DNAH1: variants seen among roughly 807,000 people sequenced by gnomAD.
DNAH1 encodes axonemal beta dynein heavy chain 1.
DNAH1 carries 327 observed loss-of-function variants against 484.3 expected under a neutral mutation model. The observed-to-expected ratio is 0.68, with a 90% CI of 0.62 to 0.74. DNAH1 has a LOEUF of 0.74. Among genes scored for constraint, DNAH1 ranks in the 30% least tolerant of loss-of-function variants. The probability of loss-of-function intolerance (pLI) is 0.00; values close to 1 mark genes in which losing one functional copy is unlikely to be tolerated. For synonymous variants in DNAH1, 2,192 were observed against 2,191.9 expected, an observed-to-expected ratio of 1.00 and a Z score of 0.00; for missense variants, 5,052 against 5,546.8, an observed-to-expected ratio of 0.91 and a Z score of 2.83.
At chr3:52,386,991 C>CTCCACACCA in intron 56 of DNAH1, 138 bp downstream of exon 56, 1 of 930,218 alleles carries the variant, frequency 1.1e-6, no homozygotes, top group Admixed American at 3.0e-5. Context: ...CTCTGTCCAC[C>CTCCACACCA]TCCACACCAC....
Position 52,361,270 on chromosome 3 carries a change from T to G in DNAH1, c.4792T>G (p.Leu1598Val), listed in dbSNP as rs1414376016. The G allele has an allele frequency of 6.2e-7, 1 of 1,612,472 alleles. No individual in the cohort carries two copies. Among genetic ancestry groups the G allele is most frequent in the East Asian group, 2.2e-5 (1 of 44,854 alleles). Reference sequence around the variant, plus strand: ...GACCACCAAAGACCTGGGTAAGGCCTTGGCCATACAGACCGTTGTGTTCAA... The same window carrying G: ...GACCACCAAAGACCTGGGTAAGGCCGTGGCCATACAGACCGTTGTGTTCAA... ...TETTKDLGKALAIQTVVFNCS... is the reference protein window; with the variant it reads ...TETTKDLGKAVAIQTVVFNCS... Residue 1598 changes from leucine to valine, a missense_variant, in exon 29 of 78, where the codon TTG (leucine) becomes GTG (valine). By Grantham distance (32) the Leu-to-Val change is conservative (BLOSUM62 1). Around this residue, in one of 4 missense-constraint regions of DNAH1, gnomAD observed 2,929 missense variants for 3,409.4 expected, o/e 0.86. Transcript: ENST00000420323. The surrounding 1 kb of genome is among the most constrained non-coding windows in gnomAD (Gnocchi z 5.6).
Position 52,379,853 on chromosome 3 carries a change from T to G in DNAH1, c.7378-52T>G, listed in dbSNP as rs1703763343. 6 of 1,493,538 alleles carry G rather than the reference T, an allele frequency of 4.0e-6. No individual in the cohort carries two copies. In the Admixed American group the frequency reaches 6.1e-5, roughly 15 times the overall value. The allele number at this position is 1,493,538 out of a possible 1,614,324, so 92.5% of individuals were successfully genotyped here. On this transcript the variant is annotated intron_variant, in intron 47 of 77. Transcript: ENST00000420323. This position sits in a 1 kb window ranked among gnomAD's most constrained non-coding sequence, Gnocchi z 4.4. ...CTCCCTTGCCTGGTGGTTTGAGAGA[T>G]AGCTGAGGGCTTGGGGGCCAAGGAC...
Position 52,385,304 on chromosome 3 carries a change from C to T in DNAH1, c.8515-33C>T, listed in dbSNP as rs202165486. 132 of 1,543,916 alleles carry T rather than the reference C, an allele frequency of 8.5e-5. No individual in the cohort carries two copies. The African/African-American group carries it at 1.2e-3, about 14-fold the overall frequency. The stretch of plus-strand genomic sequence containing the variant: ...CCCTGTGCTCTCTCTGTCCCTGCCA[C>T]ACCTGTTTTCCTGTCTCTGCCCTGA... On this transcript the variant is annotated intron_variant, in intron 53 of 77. Coordinates refer to ENST00000420323, the MANE Select transcript of DNAH1 (RefSeq NM_015512.5).
chr3:52,349,448 G>T, intron 14 of DNAH1, 28 bp downstream of exon 14: 1 of 1,596,414 alleles, frequency 6.3e-7, no homozygotes, highest in South Asian at 1.1e-5. Context: ...CCGCCTCAGT[G>T]ACCACAGCAG....
At position 52,355,154 on chromosome 3, in the gene DNAH1, G is replaced by A. The variant is rs968224221; in HGVS notation, c.3693+99G>A. ...GTCTCCGGGTGGGGTTCAAAGCATC[G>A]CAGTGCCTTGCCCTCATTCACACAG... On this transcript the variant is annotated intron_variant, in intron 21 of 77. Coordinates refer to ENST00000420323, the MANE Select transcript of DNAH1 (RefSeq NM_015512.5). This position sits in a 1 kb window ranked among gnomAD's most constrained non-coding sequence, Gnocchi z 4.5. The A allele has an allele frequency of 1.7e-5, 21 of 1,204,006 alleles. No individual in the cohort carries two copies. Among genetic ancestry groups the A allele is most frequent in the East Asian group, 2.4e-5 (1 of 41,434 alleles). The allele number at this position is 1,204,006 out of a possible 1,614,324, so 74.6% of individuals were successfully genotyped here.
At chr3:52,382,518 G>A (rs1362092288) in intron 50 of DNAH1, 63 bp downstream of exon 50, 7 of 1,592,274 alleles carry the variant, frequency 4.4e-6, no homozygotes, top group African/African-American at 1.3e-5. Flanking sequence ...TCTGAGCATA[G>A]CATCCCGGAA....
Position 52,393,586 on chromosome 3 carries a change from C to T in DNAH1, c.10626+101C>T, listed in dbSNP as rs1037554011. On this transcript the variant is annotated intron_variant, in intron 66 of 77. Transcript: ENST00000420323. ...AAGGGAAAGCCAGGCATGAAGGCAC[C>T]GCGAGAGCAAAGTGGCAGAGGAAAC... 1.0e-4 allele frequency: 158 copies of T among 1,516,094 alleles called. 2 individuals carry two copies. Among genetic ancestry groups the T allele is most frequent in the South Asian group, 3.3e-4 (28 of 85,092 alleles). 93.9% of individuals were successfully genotyped at this position (1,516,094 alleles called of 1,614,324 possible). A position where few individuals can be genotyped will look rare whatever the true frequency, so the allele number is the denominator to read the frequency against.
chr3:52,317,324 C>G (rs970033420), intron 1 of DNAH1, among the ~76,000 whole-genome samples: 1 of 152,030 alleles, frequency 6.6e-6, no homozygotes, highest in Non-Finnish European at 1.5e-5. Context: ...GGTGGGCGCC[C>G]GAGCCGAGGG....
chr3:52,317,906 A>ACGT (rs1319763936), intron 1 of DNAH1: 1 of 152,428 alleles, frequency 6.6e-6, no homozygotes, highest in African/African-American at 2.4e-5. Context: ...TGGAACCGGT[A>ACGT]CGTCGGTGAG....
Position 52,394,520 on chromosome 3 carries a change from CGGCACCGGACTG to C in DNAH1, c.10684_10695del (p.Ala3562_Trp3565del), listed in dbSNP as rs761291168. ...TCCATCTCGATCATGACTGAGAATCCGGCACCGGACTGGCTGTCAGACCGGGCTTGGCGAGAC... is the reference window on the plus strand; with the variant it reads ...TCCATCTCGATCATGACTGAGAATCCGCTGTCAGACCGGGCTTGGCGAGAC... On this transcript the variant is annotated inframe_deletion, in exon 67 of 78. Transcript: ENST00000420323. 1.2e-6 allele frequency: 2 copies of C among 1,614,036 alleles called. No individual in the cohort carries two copies. The highest frequency in any genetic ancestry group is 1.7e-6 in the Non-Finnish European group (2 of 1,179,884).
At chr3:52,384,666 A>T in intron 52 of DNAH1, 120 bp from the exon 53 acceptor site, 1 of 995,998 alleles carries the variant, frequency 1.0e-6, no homozygotes, top group Non-Finnish European at 1.4e-6. Context: ...TGAATGTGAG[A>T]GGCATGGAGG....
At chr3:52,359,830 T>G in intron 26 of DNAH1, 86 bp from the exon 27 acceptor site, 1 of 1,552,830 alleles carries the variant, frequency 6.4e-7, no homozygotes. Flanking sequence ...AGGGACTGTT[T>G]GTGGCAGAAG....
chr3:52,398,940 G>A lies in DNAH1; in HGVS notation c.12180G>A (p.Glu4060=), dbSNP rs1374456143. 1.2e-6 allele frequency: 2 copies of A among 1,613,394 alleles called. No individual in the cohort carries two copies. Among genetic ancestry groups the A allele is most frequent in the South Asian group, 1.1e-5 (1 of 91,048 alleles). The change falls in exon 76 of 78, where the codon GAG becomes GAA. Residue 4060 remains glutamate, a synonymous_variant. Coordinates refer to ENST00000420323, the MANE Select transcript of DNAH1 (RefSeq NM_015512.5). Reference sequence around the variant, plus strand: ...TGGTAGTGATGTCCTCTCAGCTGGAGCTGATGGCTGCCAGCCTGTACAACA... The same window carrying A: ...TGGTAGTGATGTCCTCTCAGCTGGAACTGATGGCTGCCAGCCTGTACAACA... ...KGLVVMSSQL[E]LMAASLYNNT... is the part of the protein sequence containing the mutation.
upstream of DNAH1, among the ~76,000 whole-genome samples, chr3:52,312,960 G>A (rs1337237280): frequency 6.6e-6 from 1 of 152,106 alleles, no homozygotes; most frequent in Non-Finnish European, 1.5e-5. Context: ...CCTAATTTTT[G>A]TATTTTTTAG....
Position 52,393,402 on chromosome 3 carries a change from C to G in DNAH1, c.10543C>G (p.Arg3515Gly). 1 of 1,614,040 alleles carries G rather than the reference C, an allele frequency of 6.2e-7. No homozygotes were observed. The highest frequency in any genetic ancestry group is 8.5e-7 in the Non-Finnish European group (1 of 1,179,906). ...LTYSLYSNVCRSLFEKHKLMF... is the reference protein window; with the variant it reads ...LTYSLYSNVCGSLFEKHKLMF... ...CTACAGCCTCTACAGCAACGTCTGC[C>G]GCAGCCTCTTTGAGAAGCACAAGCT... The change falls in exon 66 of 78, where the codon CGC (arginine) becomes GGC (glycine). Residue 3515 changes from arginine to glycine, a missense_variant. Coordinates refer to ENST00000420323, the MANE Select transcript of DNAH1 (RefSeq NM_015512.5).
At chr3:52,319,582 A>G (rs1701069235) in intron 1 of DNAH1, among the ~76,000 whole-genome samples, 1 of 152,204 alleles carries the variant, frequency 6.6e-6, no homozygotes, top group Non-Finnish European at 1.5e-5. Context: ...TTCAACATAC[A>G]GGGGGAACTG....
chr3:52,358,809 C>T lies in DNAH1; in HGVS notation c.4266+72C>T, dbSNP rs758930166. On this transcript the variant is annotated intron_variant, in intron 25 of 77. Coordinates refer to ENST00000420323, the MANE Select transcript of DNAH1 (RefSeq NM_015512.5). The surrounding 1 kb of genome is among the most constrained non-coding windows in gnomAD (Gnocchi z 4.2). ...GCTCCCTCTCAGTGCCCCTCCTGCTCTAGCCGGCCTCGTCCTCAGGCTGCA... is the reference window on the plus strand; with the variant it reads ...GCTCCCTCTCAGTGCCCCTCCTGCTTTAGCCGGCCTCGTCCTCAGGCTGCA... 2.1e-5 allele frequency: 33 copies of T among 1,569,454 alleles called. No homozygotes were observed. Among genetic ancestry groups the T allele is most frequent in the Non-Finnish European group, 2.7e-5 (31 of 1,157,032 alleles).
chr3:52,353,716 T>C lies in DNAH1; in HGVS notation c.3480+83T>C, dbSNP rs933304064. On this transcript the variant is annotated intron_variant, in intron 20 of 77. Coordinates refer to ENST00000420323, the MANE Select transcript of DNAH1 (RefSeq NM_015512.5). This position sits in a 1 kb window ranked among gnomAD's most constrained non-coding sequence, Gnocchi z 5.0. ...CTCCTGCTCTGGCAACCACAGCCAC[T>C]TGGGAGGATGACAGTAATAAGCCCC... 1 of 1,529,758 alleles carries C rather than the reference T, an allele frequency of 6.5e-7. No individual in the cohort carries two copies. Among genetic ancestry groups the C allele is most frequent in the East Asian group, 2.5e-5 (1 of 40,720 alleles). 94.8% of individuals were successfully genotyped at this position (1,529,758 alleles called of 1,614,324 possible).
rs1037821308 is a variant in DNAH1 at position 52,353,751 on chromosome 3, G to T, written c.3480+118G>T. ...GACAGTAATAAGCCCCATCCCTGGG[G>T]TCATGAGGCCCAGGGGTTGAGATGC... On this transcript the variant is annotated intron_variant, in intron 20 of 77. Transcript: ENST00000420323. The surrounding 1 kb of genome is among the most constrained non-coding windows in gnomAD (Gnocchi z 5.0). 2 of 1,379,288 alleles carry T rather than the reference G, an allele frequency of 1.5e-6. No individual in the cohort carries two copies. Among genetic ancestry groups the T allele is most frequent in the South Asian group, 2.7e-5 (2 of 75,306 alleles). The allele number at this position is 1,379,288 out of a possible 1,614,324, so 85.4% of individuals were successfully genotyped here.
Sources: gnomAD v4.1 joint callset for allele counts (sites outside exome capture counted in the v4.1 genomes callset) on GRCh38, gnomAD v4.1.1 for gene constraint, gnomAD v4.1.1 regional missense constraint, Gnocchi (gnomAD v3.1) non-coding constraint, MANE v1.5 for transcripts, NCBI Gene and HGNC (gene_info 2026-07-23, HGNC 2026-07-21) for gene names.